Variants in NRG3 observed in about 807,000 individuals in gnomAD.
The protein encoded by NRG3 is pro-neuregulin-3, membrane-bound isoform.
NRG3 carries 31 observed loss-of-function variants against 66.9 expected under a neutral mutation model. The observed-to-expected ratio is 0.46, with a 90% CI of 0.35 to 0.63. NRG3 has a LOEUF of 0.63. Among genes scored for constraint, NRG3 ranks in the 20% least tolerant of loss-of-function variants. The pLI, the probability that NRG3 is intolerant of heterozygous loss-of-function variation, is 0.00. For synonymous variants in NRG3, 393 were observed against 359.4 expected (o/e 1.09, Z -1.06); for missense variants, 910 against 878.9 (o/e 1.04, Z -0.45).
chr10:82,612,080 C>G (rs1326069188), intron 2 of NRG3, among the ~76,000 whole-genome samples: 2 of 152,100 alleles, frequency 1.3e-5, no homozygotes, highest in African/African-American at 2.4e-5. Flanking sequence ...TGAGAAGTGT[C>G]TGTTCATATC....
chr10:82,061,575 A>T (rs1395021834), intron 1 of NRG3, among the ~76,000 whole-genome samples: 1 of 152,038 alleles, frequency 6.6e-6, no homozygotes, highest in African/African-American at 2.4e-5. Context: ...CCTTCAACCC[A>T]TATCCGTCAT....
chr10:82,156,680 T>C (rs538722963), intron 1 of NRG3, among the ~76,000 whole-genome samples: 14 of 151,814 alleles, frequency 9.2e-5, no homozygotes, highest in South Asian at 8.3e-4. Context: ...TTAGCTCCAA[T>C]GGTGTCTACC....
chr10:82,188,150 C>T lies in NRG3; in HGVS notation c.824-170589C>T, dbSNP rs147297631. Among the ~76,000 whole-genome samples, 162 of 152,106 alleles carry T rather than the reference C, an allele frequency of 1.1e-3. 1 individual carries two copies. Among genetic ancestry groups the T allele is most frequent in the Middle Eastern group, 3.4e-3 (1 of 294 alleles). Reference sequence around the variant, plus strand: ...AGGAACAGAATAGAGAGCCCAGAAACAAATACACACACCTACAGTATACTC... The same window carrying T: ...AGGAACAGAATAGAGAGCCCAGAAATAAATACACACACCTACAGTATACTC... On this transcript the variant is annotated intron_variant, in intron 1 of 8. Transcript: ENST00000372141.
At chr10:82,159,782 T>A (rs562478602) in intron 1 of NRG3, among the ~76,000 whole-genome samples, 12 of 152,010 alleles carry the variant, frequency 7.9e-5, no homozygotes, top group African/African-American at 2.9e-4. Flanking sequence ...TCCTGGGTTC[T>A]ATACAGAGGG....
At chr10:82,707,332 T>A (rs1300011446) in intron 2 of NRG3, among the ~76,000 whole-genome samples, 1 of 152,068 alleles carries the variant, frequency 6.6e-6, no homozygotes, top group African/African-American at 2.4e-5. Context: ...AATTTCATTT[T>A]AAAGTACCTA....
chr10:82,470,114 A>C (rs573167922), intron 2 of NRG3, among the ~76,000 whole-genome samples: 1 of 152,306 alleles, frequency 6.6e-6, no homozygotes, highest in East Asian at 1.9e-4. Context: ...TGAGATGCAG[A>C]GCTCAAATCC....
intron 2 of NRG3, among the ~76,000 whole-genome samples, chr10:82,559,044 T>A (rs1243603972): frequency 6.6e-6 from 1 of 152,212 alleles, no homozygotes; most frequent in Non-Finnish European, 1.5e-5. Context: ...TACTTGCATT[T>A]GTTTGTGCAT....
chr10:81,949,613 A>AT (rs1311027922), intron 1 of NRG3, among the ~76,000 whole-genome samples: 5 of 151,944 alleles, frequency 3.3e-5, no homozygotes, highest in East Asian at 1.9e-4. Flanking sequence ...ATTGTATGAC[A>AT]TTTTTTTCTG....
intron 2 of NRG3, among the ~76,000 whole-genome samples, chr10:82,547,432 T>C (rs1020689139): frequency 6.0e-5 from 9 of 150,998 alleles, no homozygotes; most frequent in Non-Finnish European, 1.2e-4. Flanking sequence ...TGTGTGTATA[T>C]ATATTCCATG....
chr10:82,920,234 A>G (rs551282915), intron 4 of NRG3, among the ~76,000 whole-genome samples: 1 of 152,164 alleles, frequency 6.6e-6, no homozygotes, highest in Non-Finnish European at 1.5e-5. Flanking sequence ...CTTATTTTCC[A>G]TGGAGATATG....
chr10:81,989,810 G>GA (rs1390855837), intron 1 of NRG3, among the ~76,000 whole-genome samples: 1 of 151,954 alleles, frequency 6.6e-6, no homozygotes. Flanking sequence ...ATGGCCTTGA[G>GA]AAAAATGCGA....
At chr10:81,891,298 T>C (rs922058567) in intron 1 of NRG3, among the ~76,000 whole-genome samples, 27 of 152,218 alleles carry the variant, frequency 1.8e-4, no homozygotes, top group African/African-American at 6.3e-4. Context: ...GCCTGTTTGA[T>C]GATTGGACTA....
At chr10:81,952,447 A>G (rs1200050880) in intron 1 of NRG3, among the ~76,000 whole-genome samples, 1 of 151,690 alleles carries the variant, frequency 6.6e-6, no homozygotes, top group Non-Finnish European at 1.5e-5. Flanking sequence ...GGGGGTGCGG[A>G]GAGAGAGAGA....
At chr10:82,331,827 T>C (rs1291846647) in intron 1 of NRG3, among the ~76,000 whole-genome samples, 1 of 152,174 alleles carries the variant, frequency 6.6e-6, no homozygotes, top group Non-Finnish European at 1.5e-5. Flanking sequence ...TGTGCACACA[T>C]TTCTGTTCAG....
intron 3 of NRG3, among the ~76,000 whole-genome samples, chr10:82,849,161 A>C (rs1302234890): frequency 1.3e-5 from 2 of 152,216 alleles, no homozygotes; most frequent in Non-Finnish European, 2.9e-5. Flanking sequence ...ATTTGGACAC[A>C]GACATGCACA....
At chr10:82,703,586 C>G (rs2056063455) in intron 2 of NRG3, among the ~76,000 whole-genome samples, 1 of 152,012 alleles carries the variant, frequency 6.6e-6, no homozygotes, top group Non-Finnish European at 1.5e-5. Context: ...CAACAGGCAC[C>G]CTTTTATGGG....
chr10:82,056,946 C>T (rs368603144), intron 1 of NRG3, among the ~76,000 whole-genome samples: 2 of 152,050 alleles, frequency 1.3e-5, no homozygotes, highest in Non-Finnish European at 2.9e-5. Context: ...GATTTATCTA[C>T]GTGTAGAATT....
At chr10:82,860,733 T>C (rs1003427574) in intron 3 of NRG3, among the ~76,000 whole-genome samples, 1 of 152,242 alleles carries the variant, frequency 6.6e-6, no homozygotes, top group Non-Finnish European at 1.5e-5. Context: ...GGAAGGAAGT[T>C]ATATGTTCAA....
Position 82,078,592 on chromosome 10 carries a change from C to T in NRG3, c.823+202429C>T, listed in dbSNP as rs189336651. ...GTCTCGATCTCATGACCTCGTGATC[C>T]GACCGCCTTGGCCTCCCAAAGTGCT... On this transcript the variant is annotated intron_variant, in intron 1 of 8. Transcript: ENST00000372141. 4.2e-3 allele frequency among the ~76,000 whole-genome samples: 641 copies of T among 152,234 alleles called. 8 individuals are homozygous for T. Among genetic ancestry groups the T allele is most frequent in the African/African-American group, 0.015 (610 of 41,530 alleles).
Sources: gnomAD v4.1 joint callset for allele counts (sites outside exome capture counted in the v4.1 genomes callset) on GRCh38, gnomAD v4.1.1 for gene constraint, MANE v1.5 for transcripts, NCBI Gene and HGNC (gene_info 2026-07-23, HGNC 2026-07-21) for gene names.